ITSN1: variants seen among roughly 807,000 people sequenced by gnomAD.
ITSN1 encodes the protein intersectin-1.
In ITSN1, 58 loss-of-function variants were observed where a neutral mutation model predicts 239.8. The observed-to-expected ratio is 0.24, with a 90% confidence interval of 0.20 to 0.30. The LOEUF (loss-of-function observed/expected upper bound fraction) is 0.30. Ranked by LOEUF, ITSN1 falls within the 10% of genes least tolerant of loss-of-function variation. ITSN1 has a pLI of 1.00. For missense variants in ITSN1, 1,558 were observed against 2,103.3 expected, an observed-to-expected ratio of 0.74 and a Z score of 5.07; for synonymous variants, 780 against 770.8, an observed-to-expected ratio of 1.01 and a Z score of -0.20.
chr21:33,807,670 C>T (rs1602355506), intron 20 of ITSN1, among the ~76,000 whole-genome samples: 1 of 152,078 alleles, frequency 6.6e-6, no homozygotes, highest in Admixed American at 6.5e-5. Flanking sequence ...AAGGGAGTAA[C>T]AATAGATCAT....
chr21:33,662,121 T>C (rs1193859635), intron 1 of ITSN1, among the ~76,000 whole-genome samples: 1 of 152,188 alleles, frequency 6.6e-6, no homozygotes, highest in Non-Finnish European at 1.5e-5. Flanking sequence ...TTCTCTTCCA[T>C]CTGGATCTCA....
At chr21:33,837,586 G>C in intron 29 of ITSN1, 1 of 985,896 alleles carries the variant, frequency 1.0e-6, no homozygotes. Context: ...CGTATAGAAT[G>C]AGCCCAATTA....
At chr21:33,818,500 T>A in intron 23 of ITSN1, 28 bp downstream of exon 23, 1 of 1,552,996 alleles carries the variant, frequency 6.4e-7, no homozygotes, top group Non-Finnish European at 8.9e-7. Context: ...TGCTTGTATT[T>A]GATGAAAACA....
At chr21:33,773,000 CTT>C (rs768551303) in intron 12 of ITSN1, among the ~76,000 whole-genome samples, 19 of 133,020 alleles carry the variant, frequency 1.4e-4, no homozygotes, top group East Asian at 6.4e-4. Context: ...CTGCAATCTT[CTT>C]TTTTTTTTTT....
chr21:33,730,655 C>T (rs1383052952), intron 4 of ITSN1, among the ~76,000 whole-genome samples: 1 of 151,834 alleles, frequency 6.6e-6, no homozygotes, highest in East Asian at 1.9e-4. Context: ...CCTTCTCGGC[C>T]TCCCAAAGTG....
rs567236664 is a variant in ITSN1, at chr21:33,759,945, A to G, written c.725-1978A>G. The stretch of plus-strand genomic sequence containing the variant: ...GGAAACCCTGTCTCTACTAAAAAAA[A>G]TAGAAAAATTAGCCAGGTGTGGTGG... On this transcript the variant is annotated intron_variant, in intron 8 of 39. Coordinates refer to ENST00000381318, the MANE Select transcript of ITSN1 (RefSeq NM_003024.3). Among the ~76,000 whole-genome samples the G allele has an allele frequency of 2.0e-5, 3 of 151,980 alleles. 1 individual carries two copies. Among genetic ancestry groups the G allele is most frequent in the African/African-American group, 7.2e-5 (3 of 41,380 alleles).
At chr21:33,672,270 G>A (rs573775423) in intron 1 of ITSN1, among the ~76,000 whole-genome samples, 10 of 151,252 alleles carry the variant, frequency 6.6e-5, no homozygotes, top group Non-Finnish European at 1.3e-4. Flanking sequence ...TCTAATTCAC[G>A]TGTTTTTAAA....
intron 25 of ITSN1, among the ~76,000 whole-genome samples, chr21:33,824,586 T>C (rs2148318266): frequency 6.6e-6 from 1 of 152,286 alleles, no homozygotes. Context: ...GTTCTCTCTC[T>C]CTTTCAAATG....
At chr21:33,739,737 C>CA (rs962069784) in intron 5 of ITSN1, among the ~76,000 whole-genome samples, 1 of 152,138 alleles carries the variant, frequency 6.6e-6, no homozygotes, top group African/African-American at 2.4e-5. Context: ...AGTCCTAAGG[C>CA]AAAAACTAGC....
chr21:33,724,883 G>T (rs985365163), intron 4 of ITSN1, among the ~76,000 whole-genome samples: 5 of 151,904 alleles, frequency 3.3e-5, no homozygotes, highest in Non-Finnish European at 7.4e-5. Context: ...TCGAACTCCT[G>T]GACTCAGGCC....
intron 1 of ITSN1, among the ~76,000 whole-genome samples, chr21:33,667,916 G>T (rs2090026051): frequency 1.3e-5 from 2 of 152,174 alleles, no homozygotes; most frequent in South Asian, 2.1e-4. Flanking sequence ...GGGTTCTGGT[G>T]CCTATGGCAG....
chr21:33,732,602 A>G (rs2066257219), intron 4 of ITSN1, among the ~76,000 whole-genome samples: 1 of 152,170 alleles, frequency 6.6e-6, no homozygotes, highest in African/African-American at 2.4e-5. Context: ...AAGACCAATA[A>G]AAAAGATTGG....
chr21:33,879,570 C>T (rs554783852), intron 34 of ITSN1, among the ~76,000 whole-genome samples: 40 of 152,306 alleles, frequency 2.6e-4, no homozygotes, highest in Admixed American at 1.3e-3. Flanking sequence ...GCAGAAATGC[C>T]GACACACAGT....
intron 1 of ITSN1, among the ~76,000 whole-genome samples, chr21:33,692,032 G>C (rs1407259976): frequency 6.6e-6 from 1 of 152,192 alleles, no homozygotes; most frequent in Non-Finnish European, 1.5e-5. Flanking sequence ...AAATATCAAA[G>C]GTGATCAGAT....
At chr21:33,818,598 CAAAAGTT>C in intron 23 of ITSN1, 126 bp downstream of exon 23, 2 of 804,102 alleles carry the variant, frequency 2.5e-6, no homozygotes, top group Non-Finnish European at 4.1e-6. Context: ...CTTTTAACTG[CAAAAGTT>C]ATAGTATATA....
At chr21:33,879,638 C>G (rs944920107) in intron 34 of ITSN1, among the ~76,000 whole-genome samples, 1 of 152,212 alleles carries the variant, frequency 6.6e-6, no homozygotes, top group African/African-American at 2.4e-5. Context: ...CAGAGGGACA[C>G]AGTGAGGCCG....
At chr21:33,762,212 A>G (rs1435984683) in intron 9 of ITSN1, among the ~76,000 whole-genome samples, 4 of 152,154 alleles carry the variant, frequency 2.6e-5, no homozygotes, top group East Asian at 1.9e-4. Flanking sequence ...TGATAATACA[A>G]CTTAACAATT....
Position 33,844,521 on chromosome 21 carries a change from T to G in ITSN1, c.3661+7889T>G, listed in dbSNP as rs188847264. 7.2e-5 allele frequency among the ~76,000 whole-genome samples: 11 copies of G among 152,278 alleles called. No homozygotes were observed. The East Asian group carries it at 1.7e-3, about 24-fold the overall frequency. On this transcript the variant is annotated intron_variant, in intron 29 of 39. Coordinates refer to ENST00000381318, the MANE Select transcript of ITSN1 (RefSeq NM_003024.3). ...CCCCTAGACATGCCGGCTGCTGGAT[T>G]TTTTAAGCAATCATCCAGCTTAGAT...
intron 1 of ITSN1, among the ~76,000 whole-genome samples, chr21:33,699,415 G>A (rs547400009): frequency 2.6e-4 from 40 of 152,294 alleles, no homozygotes; most frequent in African/African-American, 8.7e-4. Context: ...CATTCAGTGG[G>A]TTTAGAAATA....
Sources: allele counts gnomAD v4.1 joint callset (sites outside exome capture counted in the v4.1 genomes callset), GRCh38; gene constraint gnomAD v4.1.1; transcripts MANE v1.5; gene names NCBI Gene and HGNC (gene_info 2026-07-23, HGNC 2026-07-21).